PLEKHA5: variants seen among roughly 807,000 people sequenced by gnomAD.
PLEKHA5 encodes pleckstrin homology domain containing A5, also known as pleckstrin homology domain-containing family A member 5.
Under a neutral mutation model 181.9 loss-of-function variants are expected in PLEKHA5, and 55 were observed. That is an observed-to-expected ratio of 0.30 (90% CI 0.24 to 0.38). PLEKHA5 has a LOEUF of 0.38. Among genes scored for constraint, PLEKHA5 ranks in the 10% least tolerant of loss-of-function variants. The pLI is 1.00. For synonymous variants in PLEKHA5, 535 were observed against 529.4 expected (o/e 1.01, Z -0.15); for missense variants, 1,432 against 1,549.5 (o/e 0.92, Z 1.27).
At chr12:19,269,039 A>T (rs767814289) in intron 8 of PLEKHA5, among the ~76,000 whole-genome samples, 8 of 152,200 alleles carry the variant, frequency 5.3e-5, no homozygotes, top group Non-Finnish European at 1.0e-4. Context: ...CATTTCTATT[A>T]ATTTTGTTGC....
intron 14 of PLEKHA5, among the ~76,000 whole-genome samples, chr12:19,291,063 C>T (rs889930767): frequency 6.6e-6 from 1 of 152,162 alleles, no homozygotes; most frequent in Non-Finnish European, 1.5e-5. Context: ...GCAATGCGTA[C>T]AATACTTCAT....
At chr12:19,213,337 G>T (rs989909017) in intron 3 of PLEKHA5, among the ~76,000 whole-genome samples, 1 of 152,094 alleles carries the variant, frequency 6.6e-6, no homozygotes, top group African/African-American at 2.4e-5. Context: ...GAAAAGCAGG[G>T]ATGTGTGGCA....
At position 19,353,996 on chromosome 12, in the gene PLEKHA5, A is replaced by G; in HGVS notation, c.3132A>G (p.Leu1044=). 1.4e-6 allele frequency: 2 copies of G among 1,451,622 alleles called. No individual in the cohort carries two copies. Among genetic ancestry groups the G allele is most frequent in the Non-Finnish European group, 1.9e-6 (2 of 1,033,116 alleles). The allele number at this position is 1,451,622 out of a possible 1,614,324, so 89.9% of individuals were successfully genotyped here. A position where few individuals can be genotyped will look rare whatever the true frequency, so the allele number is the denominator to read the frequency against. ...TLRKTKKMMD[L]RTERPRSAVE... ...GGAAAACTAAGAAGATGATGGATCT[A>G]AGAACGGTATTTAACTGGAAATTAA... The change falls in exon 26 of 32, where the codon CTA becomes CTG. Residue 1044 remains leucine (L), a synonymous_variant. Transcript: ENST00000429027.
At chr12:19,207,246 A>G (rs936850799) in intron 3 of PLEKHA5, 2 of 152,032 alleles carry the variant, frequency 1.3e-5, no homozygotes, top group Admixed American at 1.3e-4. Context: ...ATTTTATACT[A>G]TTTTCTCTTA....
intron 3 of PLEKHA5, among the ~76,000 whole-genome samples, chr12:19,249,473 C>T (rs2064690309): frequency 6.6e-6 from 1 of 152,138 alleles, no homozygotes; most frequent in Non-Finnish European, 1.5e-5. Flanking sequence ...CTCAGAACAG[C>T]TCACAATTTA....
intron 20 of PLEKHA5, among the ~76,000 whole-genome samples, chr12:19,335,573 G>A (rs1592535513): frequency 2.2e-5 from 3 of 137,356 alleles, no homozygotes; most frequent in South Asian, 5.2e-4. Context: ...CTGCCACTGC[G>A]CCTGGCTAAT....
rs1425785292 is a variant in PLEKHA5 at position 19,169,098 on chromosome 12, T to G, written c.227+36648T>G. ...CCTAGAAAACGTGGCATATTTTCCT[T>G]ATTTTTACTCTTAAAGAAAAATGGA... On this transcript the variant is annotated intron_variant, in intron 3 of 31. Transcript: ENST00000429027. Among the ~76,000 whole-genome samples the G allele has an allele frequency of 3.3e-5, 5 of 152,354 alleles. No individual in the cohort carries two copies. In the South Asian group the frequency reaches 1.0e-3, roughly 32 times the overall value.
chr12:19,290,569 T>G, intron 13 of PLEKHA5, 108 bp from the exon 14 acceptor site: 1 of 937,036 alleles, frequency 1.1e-6, no homozygotes, highest in Non-Finnish European at 1.6e-6. Context: ...ATGTTTGATG[T>G]CAACCATAAG....
chr12:19,280,036 G>GTTTTT (rs869050795), intron 11 of PLEKHA5, among the ~76,000 whole-genome samples: 2 of 54,490 alleles, frequency 3.7e-5, no homozygotes, highest in African/African-American at 1.4e-4. Context: ...AATGAAACCT[G>GTTTTT]TTTTTTTTTT....
chr12:19,194,254 A>G (rs1158610275), intron 3 of PLEKHA5, among the ~76,000 whole-genome samples: 1 of 152,114 alleles, frequency 6.6e-6, no homozygotes, highest in Non-Finnish European at 1.5e-5. Context: ...AGTTCCATCC[A>G]TGTTGCTGCG....
chr12:19,321,400 G>A (rs2090771954), intron 18 of PLEKHA5, among the ~76,000 whole-genome samples: 1 of 107,954 alleles, frequency 9.3e-6, no homozygotes, highest in African/African-American at 3.7e-5. Context: ...GTCTCTCTCT[G>A]TCACCCGGGT....
At chr12:19,250,357 G>A (rs1296347441) in intron 3 of PLEKHA5, among the ~76,000 whole-genome samples, 1 of 152,180 alleles carries the variant, frequency 6.6e-6, no homozygotes, top group African/African-American at 2.4e-5. Flanking sequence ...GGCCAAGGCG[G>A]GTGGATCGCG....
intron 3 of PLEKHA5, among the ~76,000 whole-genome samples, chr12:19,148,733 A>G (rs2151261119): frequency 6.6e-6 from 1 of 152,376 alleles, no homozygotes; most frequent in South Asian, 2.1e-4. Flanking sequence ...AGAATTTGGA[A>G]AAGTAGATGC....
chr12:19,187,906 A>G (rs1241163981), intron 3 of PLEKHA5, among the ~76,000 whole-genome samples: 1 of 152,214 alleles, frequency 6.6e-6, no homozygotes, highest in Admixed American at 6.5e-5. Context: ...GGTGAGAAAC[A>G]TTTCTTCTGA....
intron 6 of PLEKHA5, among the ~76,000 whole-genome samples, chr12:19,259,397 T>G (rs1267908984): frequency 6.6e-6 from 1 of 151,924 alleles, no homozygotes; most frequent in East Asian, 1.9e-4. Context: ...TTGTAATATG[T>G]GTGTGACACA....
At chr12:19,347,925 C>T (rs868697423) in intron 24 of PLEKHA5, among the ~76,000 whole-genome samples, 5 of 148,326 alleles carry the variant, frequency 3.4e-5, no homozygotes, top group Non-Finnish European at 7.4e-5. Flanking sequence ...CACTCTTTCC[C>T]AGGCTGGAGT....
chr12:19,269,642 A>G (rs1399196068), intron 8 of PLEKHA5, 128 bp from the exon 9 acceptor site: 2 of 522,590 alleles, frequency 3.8e-6, no homozygotes, highest in African/African-American at 3.9e-5. Flanking sequence ...TATCTCAGGT[A>G]AAAGATAAGT....
chr12:19,245,530 C>A (rs987564283), intron 3 of PLEKHA5, among the ~76,000 whole-genome samples: 3 of 151,872 alleles, frequency 2.0e-5, no homozygotes, highest in Non-Finnish European at 4.4e-5. Flanking sequence ...GAGTTCGAGA[C>A]CAGCCTGGCC....
intron 3 of PLEKHA5, among the ~76,000 whole-genome samples, chr12:19,237,271 A>T (rs2061547495): frequency 1.3e-5 from 2 of 152,268 alleles, no homozygotes; most frequent in South Asian, 4.1e-4. Flanking sequence ...ACATTTTAAG[A>T]TTTGAGCATT....
Sources: gnomAD v4.1 joint callset for allele counts (sites outside exome capture counted in the v4.1 genomes callset) on GRCh38, gnomAD v4.1.1 for gene constraint, MANE v1.5 for transcripts, NCBI Gene and HGNC (gene_info 2026-07-23, HGNC 2026-07-21) for gene names.